Variants in PRDM14 observed in about 807,000 individuals in gnomAD.
PRDM14 encodes the protein PR/SET domain 14.
In PRDM14, 16 loss-of-function variants were observed where a neutral mutation model predicts 48.0. That is an observed-to-expected ratio of 0.33 (90% CI 0.23 to 0.51). The LOEUF is 0.51. Among genes scored for constraint, PRDM14 ranks in the 20% least tolerant of loss-of-function variants. The pLI, the probability that PRDM14 is intolerant of heterozygous loss-of-function variation, is 0.97. For missense variants in PRDM14, 566 were observed against 719.6 expected (o/e 0.79, Z 2.44); for synonymous variants, 264 against 276.6 (o/e 0.95, Z 0.45).
At chr8:70,060,374 G>C (rs900460397) in intron 5 of PRDM14, among the ~76,000 whole-genome samples, 3 of 150,930 alleles carry the variant, frequency 2.0e-5, no homozygotes, top group Admixed American at 1.3e-4. Context: ...ACTCCAGCCT[G>C]GGCAACAGAG....
At chr8:70,068,836 A>T (rs1262644629) in intron 2 of PRDM14, among the ~76,000 whole-genome samples, 2 of 152,218 alleles carry the variant, frequency 1.3e-5, no homozygotes, top group African/African-American at 4.8e-5. Context: ...AGGTCAGCGT[A>T]GCTAGCTGAG....
intron 6 of PRDM14, 65 bp downstream of exon 6, chr8:70,058,574 CG>C: frequency 1.4e-6 from 2 of 1,431,466 alleles, no homozygotes; most frequent in Non-Finnish European, 2.0e-6. Flanking sequence ...GGCAACTCCC[CG>C]TGTTCAGGAG....
intron 5 of PRDM14, among the ~76,000 whole-genome samples, chr8:70,060,985 G>A (rs1487392443): frequency 6.6e-6 from 1 of 152,202 alleles, no homozygotes; most frequent in Non-Finnish European, 1.5e-5. Flanking sequence ...AATGCACAGG[G>A]TTACCGTGAT....
chr8:70,066,210 G>A, intron 5 of PRDM14, 25 bp downstream of exon 5: 1 of 1,605,412 alleles, frequency 6.2e-7, no homozygotes, highest in Non-Finnish European at 8.5e-7. Flanking sequence ...TGCCCTCATT[G>A]GGCAAGGCGA....
At position 70,069,470 on chromosome 8, in the gene PRDM14, G is replaced by T; in HGVS notation, c.391C>A (p.His131Asn). 6.3e-7 allele frequency: 1 copy of T among 1,578,312 alleles called. No individual in the cohort carries two copies. Among genetic ancestry groups the T allele is most frequent in the Non-Finnish European group, 8.6e-7 (1 of 1,160,338 alleles). Residue 131 changes from histidine (H) to asparagine (N), a missense_variant, in exon 2 of 8, where the codon CAC becomes AAC. Around this residue, in one of 3 missense-constraint regions of PRDM14, gnomAD observed 410 missense variants for 424.6 expected, o/e 0.97. Coordinates refer to ENST00000276594, the MANE Select transcript of PRDM14 (RefSeq NM_024504.4). ...TCGTTGTCGCCACCAATGATTTGGT[G>T]GCCCAGATCTTCACTGCTGGCACCC... ...YAGASSEDLG[H>N]QIIGGDNESG...
rs774268895 is a variant in PRDM14 at position 70,052,072 on chromosome 8, C to T, written c.*5G>A. ...TACAGGCGTGAGTCATTGTGCCTGG[C>T]AGGGCTAGTAGTCTTCATGAAACTT... is the stretch of plus-strand genomic sequence containing the variant. On this transcript the variant is annotated 3_prime_UTR_variant, in exon 8 of 8. Coordinates refer to ENST00000276594, the MANE Select transcript of PRDM14 (RefSeq NM_024504.4). 1.9e-6 allele frequency: 3 copies of T among 1,579,890 alleles called. No homozygotes were observed. The highest frequency in any genetic ancestry group is 2.6e-6 in the Non-Finnish European group (3 of 1,157,556).
At chr8:70,067,826 T>G (rs575914670) in intron 4 of PRDM14, among the ~76,000 whole-genome samples, 27 of 152,240 alleles carry the variant, frequency 1.8e-4, no homozygotes, top group Non-Finnish European at 3.1e-4. Context: ...CTGGTTATTT[T>G]TTTTTTAATC....
In PRDM14 at chr8:70,068,468, G is replaced by A. The variant is rs1428764167; in HGVS notation, c.754+11C>T. On this transcript the variant is annotated intron_variant, in intron 3 of 7. Coordinates refer to ENST00000276594, the MANE Select transcript of PRDM14 (RefSeq NM_024504.4). The stretch of plus-strand genomic sequence containing the variant: ...TCAGGGAAAGAAATCCATGCAAGGA[G>A]TCCTGCCTACCTTCTGGAAGTTGAA... 1.2e-6 allele frequency: 2 copies of A among 1,613,910 alleles called. No homozygotes were observed. Among genetic ancestry groups the A allele is most frequent in the East Asian group, 2.2e-5 (1 of 44,896 alleles).
chr8:70,059,997 G>T (rs1166276291), intron 5 of PRDM14, among the ~76,000 whole-genome samples: 1 of 151,494 alleles, frequency 6.6e-6, no homozygotes. Context: ...GGAGGCTGAG[G>T]CAGGAGAATC....
rs74350323 is a variant in PRDM14 at position 70,064,202 on chromosome 8, T to G, written c.1183+2033A>C. On this transcript the variant is annotated intron_variant, in intron 5 of 7. Transcript: ENST00000276594. ...TCATCATTGGGACCATTATTTATCA[T>G]TAGATAAATAATGACGGCTGACTGC... Among the ~76,000 whole-genome samples the G allele has an allele frequency of 6.4e-3, 972 of 152,176 alleles. 12 individuals carry two copies. Among genetic ancestry groups the G allele is most frequent in the African/African-American group, 0.023 (939 of 41,494 alleles).
intron 7 of PRDM14, among the ~76,000 whole-genome samples, chr8:70,054,262 C>T (rs1016177711): frequency 2.0e-5 from 3 of 152,230 alleles, no homozygotes; most frequent in Non-Finnish European, 2.9e-5. Flanking sequence ...TAGCATCCTT[C>T]ACAGATTAAA....
intron 5 of PRDM14, among the ~76,000 whole-genome samples, chr8:70,064,555 C>G (rs1483750801): frequency 1.4e-5 from 2 of 146,870 alleles, no homozygotes; most frequent in African/African-American, 2.5e-5. Context: ...AACGGAATCT[C>G]GCTCTGTCGC....
intron 5 of PRDM14, 112 bp downstream of exon 5, chr8:70,066,123 T>C: frequency 8.4e-7 from 1 of 1,183,544 alleles, no homozygotes; most frequent in Non-Finnish European, 1.2e-6. Flanking sequence ...TCTCGGTTAG[T>C]CCTCTGCATT....
intron 7 of PRDM14, among the ~76,000 whole-genome samples, chr8:70,053,722 T>C (rs1805425913): frequency 6.6e-6 from 1 of 152,144 alleles, no homozygotes; most frequent in Non-Finnish European, 1.5e-5. Flanking sequence ...TTATTTTCAT[T>C]CTATTGACAC....
chr8:70,053,186 C>A (rs1805418191), intron 7 of PRDM14, among the ~76,000 whole-genome samples: 1 of 151,316 alleles, frequency 6.6e-6, no homozygotes, highest in African/African-American at 2.4e-5. Flanking sequence ...CAGGAGCCTG[C>A]ATTTAAACAA....
Position 70,069,837 on chromosome 8 carries a change from C to CAAG in PRDM14, c.23_24insCTT (p.Glu8delinsAspLeu). ...AGCACACCTTGTCCTGAGGCACGGC[C>CAAG]TCACTTGGCCGGGGTAGAGCCATCC... On this transcript the variant is annotated protein_altering_variant, in exon 2 of 8. Transcript: ENST00000276594. The CAAG allele has an allele frequency of 6.2e-7, 1 of 1,605,092 alleles. No homozygotes were observed. The highest frequency in any genetic ancestry group is 8.5e-7 in the Non-Finnish European group (1 of 1,176,330).
chr8:70,064,252 A>C (rs547669116), intron 5 of PRDM14, among the ~76,000 whole-genome samples: 1 of 152,066 alleles, frequency 6.6e-6, no homozygotes, highest in African/African-American at 2.4e-5. Flanking sequence ...TAGATAAATA[A>C]TGACTGCTTA....
intron 6 of PRDM14, among the ~76,000 whole-genome samples, chr8:70,057,337 T>C (rs571991986): frequency 6.6e-6 from 1 of 151,474 alleles, no homozygotes; most frequent in African/African-American, 2.4e-5. Context: ...AATATTTTTT[T>C]TTTTTTTTTG....
chr8:70,058,437 G>T (rs1805517617), intron 6 of PRDM14, among the ~76,000 whole-genome samples: 2 of 152,166 alleles, frequency 1.3e-5, no homozygotes, highest in Non-Finnish European at 2.9e-5. Context: ...TCCCTCTGTG[G>T]GTACCTGCAT....
Sources: gnomAD v4.1 joint callset for allele counts (sites outside exome capture counted in the v4.1 genomes callset) on GRCh38, gnomAD v4.1.1 for gene constraint, gnomAD v4.1.1 regional missense constraint, MANE v1.5 for transcripts, NCBI Gene and HGNC (gene_info 2026-07-23, HGNC 2026-07-21) for gene names.